Variants in FERMT3 observed in about 807,000 individuals in gnomAD.
FERMT3 encodes the protein fermitin family homolog 3.
A neutral mutation model predicts 80.8 loss-of-function variants in FERMT3; 33 were observed. The observed-to-expected ratio is 0.41, with a 90% CI of 0.31 to 0.55. The LOEUF (loss-of-function observed/expected upper bound fraction) is 0.55. FERMT3 is among the 20% of genes least tolerant of loss of function. The pLI is 0.31. For synonymous variants in FERMT3, 375 were observed against 372.2 expected (o/e 1.01, Z -0.09); for missense variants, 754 against 908.7 (o/e 0.83, Z 2.19).
intron 6 of FERMT3, among the ~76,000 whole-genome samples, chr11:64,214,168 C>CTTTTTTTTTTTTTTTTTT: frequency 1.8e-5 from 2 of 113,444 alleles, no homozygotes; most frequent in Non-Finnish European, 3.5e-5. Context: ...TCATAATTGC[C>CTTTTTTTTTTTTTTTTTT]TTTTTTTTTT....
rs1392931345 is a variant in FERMT3, at chr11:64,220,624, C to T, written c.1500C>T (p.Tyr500=). ...PDASAEGLNP[Y]GLVAPRFQRK... is the part of the protein sequence containing the mutation. ...CCTCTGCCGAGGGCCTCAACCCCTA[C>T]GGCCTCGTTGCCCCCCGTTTCCAGC... is the stretch of plus-strand genomic sequence containing the variant. Residue 500 remains tyrosine (Y), a synonymous_variant, in exon 12 of 15, where the codon TAC becomes TAT. Transcript: ENST00000345728. The T allele has an allele frequency of 5.0e-6, 8 of 1,611,570 alleles. No individual in the cohort carries two copies. The highest frequency in any genetic ancestry group is 2.7e-5 in the African/African-American group (2 of 74,904).
chr11:64,209,063 G>A (rs114636602), intron 2 of FERMT3, among the ~76,000 whole-genome samples: 231 of 152,242 alleles, frequency 1.5e-3, no homozygotes, highest in African/African-American at 5.3e-3. Flanking sequence ...GATTGGCATT[G>A]ATTACATGTG....
chr11:64,210,983 A>G lies in FERMT3; in HGVS notation c.395-69A>G, dbSNP rs562311679. On this transcript the variant is annotated intron_variant, in intron 3 of 14. Transcript: ENST00000345728. This position sits in a 1 kb window ranked among gnomAD's most constrained non-coding sequence, Gnocchi z 4.3. Reference sequence around the variant, plus strand: ...GCCTGCAGGGCTGTGACCCGCCCCAAGCACCCATGGGTGAGGTGGGGAGGC... The same window carrying G: ...GCCTGCAGGGCTGTGACCCGCCCCAGGCACCCATGGGTGAGGTGGGGAGGC... 4 of 1,608,048 alleles carry G rather than the reference A, an allele frequency of 2.5e-6. No homozygotes were observed. The Admixed American group carries it at 6.7e-5, about 27-fold the overall frequency.
At chr11:64,222,843 G>C (rs1946740406) in intron 13 of FERMT3, among the ~76,000 whole-genome samples, 1 of 152,352 alleles carries the variant, frequency 6.6e-6, no homozygotes, top group African/African-American at 2.4e-5. Context: ...GCTGCTAAAT[G>C]CTGTTGTGGG....
rs1946767699 is a variant in FERMT3, at chr11:64,223,409, C to T, written c.1909C>T (p.Leu637=). ...CGAGTATATCGGGGGCTACATTTTC[C>T]TGTCGACGCGGGAGCGGGCCCGTGG... is the stretch of plus-strand genomic sequence containing the variant. The part of the protein sequence containing the change: ...VHEYIGGYIF[L]STRERARGEE... The change falls in exon 15 of 15, where the codon CTG becomes TTG. Residue 637 remains leucine, a synonymous_variant. Transcript: ENST00000345728. The T allele has an allele frequency of 6.2e-7, 1 of 1,613,706 alleles. No individual in the cohort carries two copies. The highest frequency in any genetic ancestry group is 1.3e-5 in the African/African-American group (1 of 74,954).
chr11:64,223,180 C>T lies in FERMT3; in HGVS notation c.1803C>T (p.Asp601=). 3 of 1,613,832 alleles carry T rather than the reference C, an allele frequency of 1.9e-6. No homozygotes were observed. Among genetic ancestry groups the T allele is most frequent in the Non-Finnish European group, 2.5e-6 (3 of 1,180,038 alleles). Residue 601 remains aspartate, a synonymous_variant, in exon 14 of 15, where the codon GAC becomes GAT. Transcript: ENST00000345728. ...SNMRQWNVNW[D]IRQVAIEFDE... is the part of the protein sequence containing the mutation. Reference sequence around the variant, plus strand: ...TGCGCCAGTGGAATGTCAACTGGGACATCCGGCAGGTGGGCCCAGACCCAG... The same window carrying T: ...TGCGCCAGTGGAATGTCAACTGGGATATCCGGCAGGTGGGCCCAGACCCAG...
intron 2 of FERMT3, among the ~76,000 whole-genome samples, chr11:64,209,977 C>T (rs1946400540): frequency 6.6e-6 from 1 of 152,224 alleles, no homozygotes; most frequent in South Asian, 2.1e-4. Flanking sequence ...TCAATGCTCA[C>T]TCATGGATCG....
Position 64,210,491 on chromosome 11 carries a change from C to G in FERMT3, c.161-120C>G. On this transcript the variant is annotated intron_variant, in intron 2 of 14. Transcript: ENST00000345728. This position sits in a 1 kb window ranked among gnomAD's most constrained non-coding sequence, Gnocchi z 4.3. ...CCCCAGGCCCGCCCAGGCTGCCCCA[C>G]TCTTGGCTTAGGCAGGGCAGGGGAG... 1.6e-5 allele frequency: 17 copies of G among 1,038,664 alleles called. No homozygotes were observed. Among genetic ancestry groups the G allele is most frequent in the Non-Finnish European group, 2.2e-5 (15 of 681,844 alleles). 64.3% of individuals were successfully genotyped at this position (1,038,664 alleles called of 1,614,324 possible). A position where few individuals can be genotyped will look rare whatever the true frequency, so the allele number is the denominator to read the frequency against.
At chr11:64,218,982 C>T (rs569118912) in intron 6 of FERMT3, among the ~76,000 whole-genome samples, 1 of 152,374 alleles carries the variant, frequency 6.6e-6, no homozygotes, top group Admixed American at 6.5e-5. Flanking sequence ...TTTACTCGGT[C>T]TCTCCTGCAC....
intron 6 of FERMT3, among the ~76,000 whole-genome samples, chr11:64,216,811 A>AG (rs1946562575): frequency 6.6e-6 from 1 of 150,576 alleles, no homozygotes; most frequent in South Asian, 2.1e-4. Context: ...AAAAAAAAAA[A>AG]AAAAAAGGCG....
Position 64,219,458 on chromosome 11 carries a change from G to T in FERMT3, c.895-66G>T. Reference sequence around the variant, plus strand: ...TGGGGGCTACCTCCAGGGAAGCCCGGCCTGGGGGTACTGCTAGGGGACCAG... The same window carrying T: ...TGGGGGCTACCTCCAGGGAAGCCCGTCCTGGGGGTACTGCTAGGGGACCAG... On this transcript the variant is annotated intron_variant, in intron 7 of 14. Transcript: ENST00000345728. The surrounding 1 kb of genome is among the most constrained non-coding windows in gnomAD (Gnocchi z 4.0). 4 of 1,560,232 alleles carry T rather than the reference G, an allele frequency of 2.6e-6. No individual in the cohort carries two copies. The South Asian group carries it at 4.7e-5, about 18-fold the overall frequency.
intron 2 of FERMT3, among the ~76,000 whole-genome samples, chr11:64,209,655 G>A (rs1352575947): frequency 2.0e-5 from 3 of 152,198 alleles, no homozygotes; most frequent in Non-Finnish European, 2.9e-5. Context: ...GCCGGAGGAC[G>A]AGCGCTTCTC....
chr11:64,215,791 T>C (rs995317165), intron 6 of FERMT3, among the ~76,000 whole-genome samples: 1 of 150,806 alleles, frequency 6.6e-6, no homozygotes, highest in Non-Finnish European at 1.5e-5. Flanking sequence ...CCAGATTGGG[T>C]CTCAAGTTAT....
At chr11:64,206,480 C>T (rs186764555), upstream of FERMT3, among the ~76,000 whole-genome samples, 38 of 152,350 alleles carry the variant, frequency 2.5e-4, no homozygotes, top group African/African-American at 6.5e-4. Flanking sequence ...CACACACAGC[C>T]GGGGGACTTG....
At position 64,223,441 on chromosome 11, in the gene FERMT3, G is replaced by A; in HGVS notation, c.1941G>A (p.Glu647=). 4.3e-6 allele frequency: 7 copies of A among 1,612,964 alleles called. No homozygotes were observed. Among genetic ancestry groups the A allele is most frequent in the Non-Finnish European group, 4.2e-6 (5 of 1,180,030 alleles). The change falls in exon 15 of 15, where the codon GAG becomes GAA. Residue 647 remains glutamate (E), a synonymous_variant. Coordinates refer to ENST00000345728, the MANE Select transcript of FERMT3 (RefSeq NM_031471.6). ...CGCGGGAGCGGGCCCGTGGGGAGGA[G>A]CTGGATGAAGACCTCTTCCTGCAGC... ...LSTRERARGE[E]LDEDLFLQLT...
At chr11:64,212,562 C>CT (rs1284078078) in intron 6 of FERMT3, among the ~76,000 whole-genome samples, 2 of 152,248 alleles carry the variant, frequency 1.3e-5, no homozygotes, top group African/African-American at 4.8e-5. Context: ...CCACCCGCTT[C>CT]TTACTTGACC....
rs765089276 is a variant in FERMT3, at chr11:64,211,466, C to G, written c.683+23C>G. ...CAGGTGCACCCAGGAGCCACGCCCCCTGTGTCAGGGCTCCCCCACCCAGGA... is the reference window on the plus strand; with the variant it reads ...CAGGTGCACCCAGGAGCCACGCCCCGTGTGTCAGGGCTCCCCCACCCAGGA... On this transcript the variant is annotated intron_variant, in intron 5 of 14. Transcript: ENST00000345728. This position sits in a 1 kb window ranked among gnomAD's most constrained non-coding sequence, Gnocchi z 4.7. The G allele has an allele frequency of 7.7e-6, 12 of 1,565,548 alleles. No individual in the cohort carries two copies. In the East Asian group the frequency reaches 2.8e-4, roughly 37 times the overall value.
At chr11:64,221,785 G>T (rs530187568) in intron 13 of FERMT3, among the ~76,000 whole-genome samples, 2 of 151,554 alleles carry the variant, frequency 1.3e-5, no homozygotes, top group Non-Finnish European at 2.9e-5. Context: ...AAATTAGCCA[G>T]GTGTGGTGGC....
Position 64,221,154 on chromosome 11 carries a change from C to A in FERMT3, c.1670+14C>A. On this transcript the variant is annotated intron_variant, in intron 13 of 14. Transcript: ENST00000345728. ...TGTCATGGTCAGGTATGGCCCCTGG[C>A]CCAGCCCCCTGCCCAGCACCGTCTC... 1 of 1,605,840 alleles carries A rather than the reference C, an allele frequency of 6.2e-7. No homozygotes were observed. The highest frequency in any genetic ancestry group is 8.5e-7 in the Non-Finnish European group (1 of 1,179,388).
Sources: allele counts gnomAD v4.1 joint callset (sites outside exome capture counted in the v4.1 genomes callset), GRCh38; gene constraint gnomAD v4.1.1; non-coding constraint Gnocchi (gnomAD v3.1); transcripts MANE v1.5; gene names NCBI Gene and HGNC (gene_info 2026-07-23, HGNC 2026-07-21).